The following RTL4 variants were observed in gnomAD, a reference collection of about 807,000 sequenced individuals.
RTL4 encodes the protein retrotransposon Gag like 4.
In RTL4, 4 loss-of-function variants were observed where a neutral mutation model predicts 5.3. The observed-to-expected ratio is 0.75, with a 90% CI of 0.37 to 1.72. The LOEUF is 1.72. RTL4 is among the 40% of genes most tolerant of loss of function. The pLI, the probability that RTL4 is intolerant of heterozygous loss-of-function variation, is 0.04. For synonymous variants in RTL4, 98 were observed against 87.3 expected, an observed-to-expected ratio of 1.12 and a Z score of -0.68; for missense variants, 260 against 227.1, an observed-to-expected ratio of 1.14 and a Z score of -0.93.
the RTL4 span, among the ~76,000 whole-genome samples, chrX:112,096,115 T>C: frequency 8.9e-6 from 1 of 112,257 alleles, no homozygotes; most frequent in Non-Finnish European, 1.9e-5. Flanking sequence ...TGAGTGATGA[T>C]TGCCAAGTTA....
At chrX:112,222,254 A>G in the RTL4 span, among the ~76,000 whole-genome samples, 3 of 111,142 alleles carry the variant, frequency 2.7e-5, no homozygotes, top group Admixed American at 9.6e-5. Flanking sequence ...GAAATCTCCT[A>G]TCTATTTTCT....
the RTL4 span, among the ~76,000 whole-genome samples, chrX:112,404,055 C>G: frequency 5.1e-4 from 57 of 111,022 alleles, no homozygotes; most frequent in African/African-American, 1.8e-3. Flanking sequence ...AGTTTACACC[C>G]CCCATTTCTC....
the RTL4 span, among the ~76,000 whole-genome samples, chrX:112,328,681 C>G: frequency 8.9e-6 from 1 of 111,876 alleles, no homozygotes; most frequent in South Asian, 3.8e-4. Context: ...AGAGAAATCT[C>G]CACCCCAAAT....
the RTL4 span, among the ~76,000 whole-genome samples, chrX:112,282,989 A>G: frequency 9.0e-6 from 1 of 111,476 alleles, no homozygotes; most frequent in Non-Finnish European, 1.9e-5. Context: ...ATGATTAAAG[A>G]AACAACTGAT....
the RTL4 span, among the ~76,000 whole-genome samples, chrX:112,277,094 T>A: frequency 9.0e-6 from 1 of 111,671 alleles, no homozygotes; most frequent in African/African-American, 3.3e-5. Context: ...ACAGACCTAA[T>A]TTCATTCCAA....
chrX:112,400,759 G>C, the RTL4 span, among the ~76,000 whole-genome samples: 1 of 111,929 alleles, frequency 8.9e-6, no homozygotes, highest in Non-Finnish European at 1.9e-5. Context: ...TTTAGTCTAG[G>C]GCTAATTATT....
the RTL4 span, among the ~76,000 whole-genome samples, chrX:112,412,511 G>A: frequency 2.7e-5 from 3 of 110,958 alleles, no homozygotes; most frequent in Non-Finnish European, 5.7e-5. Context: ...ACAGACACCT[G>A]GACCAATCAA....
At chrX:112,128,401 C>T in the RTL4 span, among the ~76,000 whole-genome samples, 1 of 111,515 alleles carries the variant, frequency 9.0e-6, no homozygotes, top group Admixed American at 9.5e-5. Context: ...CGGTGGCTCA[C>T]GCCTCTAATC....
the RTL4 span, among the ~76,000 whole-genome samples, chrX:112,257,994 A>T: frequency 2.8e-5 from 3 of 108,158 alleles, no homozygotes; most frequent in Admixed American, 3.0e-4. Flanking sequence ...ATGTTCTTTG[A>T]AAGGTTGTTT....
exon 1 of RTL4, chrX:112,455,824 G>T: frequency 2.1e-6 from 1 of 478,232 alleles, no homozygotes; most frequent in Non-Finnish European, 3.3e-6. Context: ...CTTGTTCATT[G>T]GCAAATTACC....
At chrX:112,305,329 GTATTT>G in the RTL4 span, among the ~76,000 whole-genome samples, 676 of 105,196 alleles carry the variant, frequency 6.4e-3, 5 homozygotes, top group East Asian at 0.028. Context: ...GCTAATTTTT[GTATTT>G]TATTTTATTT....
the RTL4 span, among the ~76,000 whole-genome samples, chrX:112,224,867 C>T: frequency 6.3e-5 from 7 of 111,776 alleles, no homozygotes; most frequent in Middle Eastern, 4.6e-3. Context: ...AACTCAGCCA[C>T]GAAACAGTGT....
chrX:112,198,927 A>C, the RTL4 span, among the ~76,000 whole-genome samples: 1 of 110,972 alleles, frequency 9.0e-6, no homozygotes, highest in Non-Finnish European at 1.9e-5. Flanking sequence ...ATTAAGAGTT[A>C]ACTAGGTGAG....
chrX:112,375,425 C>T, the RTL4 span, among the ~76,000 whole-genome samples: 1 of 111,217 alleles, frequency 9.0e-6, no homozygotes, highest in African/African-American at 3.3e-5. Flanking sequence ...CAGATCACTT[C>T]AGTAATCTGG....
chrX:112,235,145 C>A, the RTL4 span, among the ~76,000 whole-genome samples: 1 of 111,991 alleles, frequency 8.9e-6, no homozygotes, highest in Admixed American at 9.5e-5. Context: ...TGGTATCAAA[C>A]TCAAGTGAAT....
At chrX:112,119,378 G>A in the RTL4 span, among the ~76,000 whole-genome samples, 3 of 110,552 alleles carry the variant, frequency 2.7e-5, no homozygotes, top group Non-Finnish European at 5.7e-5. Flanking sequence ...ATCATTGATG[G>A]ATTTGTGAGG....
chrX:112,407,360 T>C, the RTL4 span, among the ~76,000 whole-genome samples: 1 of 111,384 alleles, frequency 9.0e-6, no homozygotes, highest in Non-Finnish European at 1.9e-5. Flanking sequence ...GGTGGTAGTC[T>C]GGTAGTACTC....
At chrX:112,083,956 G>T in the RTL4 span, among the ~76,000 whole-genome samples, 1 of 110,944 alleles carries the variant, frequency 9.0e-6, no homozygotes, top group African/African-American at 3.3e-5. Context: ...AGCGCTCTCA[G>T]GAAAGGGGCA....
chrX:112,420,384 T>C, the RTL4 span, among the ~76,000 whole-genome samples: 1 of 111,164 alleles, frequency 9.0e-6, no homozygotes, highest in Non-Finnish European at 1.9e-5. Flanking sequence ...GATGTTTTAC[T>C]ATAAAAGAGT....
Sources: gnomAD v4.1 joint callset for allele counts (sites outside exome capture counted in the v4.1 genomes callset) on GRCh38, gnomAD v4.1.1 for gene constraint, MANE v1.5 for transcripts, NCBI Gene and HGNC (gene_info 2026-07-23, HGNC 2026-07-21) for gene names.